Variants in TENM3 observed in about 807,000 individuals in gnomAD.
The protein encoded by TENM3 is teneurin-3.
In TENM3, 63 loss-of-function variants were observed where a neutral mutation model predicts 255.1. The observed-to-expected ratio is 0.25, with a 90% CI of 0.20 to 0.30. TENM3 has a LOEUF of 0.30. TENM3 is among the 10% of genes least tolerant of loss of function. TENM3 has a pLI of 1.00. For synonymous variants in TENM3, 1,306 were observed against 1,322.3 expected (o/e 0.99, Z 0.27); for missense variants, 2,929 against 3,461.1 (o/e 0.85, Z 3.86).
At chr4:182,249,888 G>A (rs897077813) in intron 1 of TENM3, among the ~76,000 whole-genome samples, 1 of 151,768 alleles carries the variant, frequency 6.6e-6, no homozygotes, top group Admixed American at 6.6e-5. Flanking sequence ...CCAGCCTCCC[G>A]AGTAGCTGAG....
chr4:182,594,685 T>A (rs796117282), intron 3 of TENM3, among the ~76,000 whole-genome samples: 13 of 4,610 alleles, frequency 2.8e-3, no homozygotes, highest in African/African-American at 6.9e-3. Flanking sequence ...TTTGTTTTGG[T>A]GTGTGTGTGT....
At chr4:181,767,166 G>A in the TENM3 span, among the ~76,000 whole-genome samples, 3 of 148,800 alleles carry the variant, frequency 2.0e-5, no homozygotes, top group Non-Finnish European at 4.5e-5. Flanking sequence ...GCAGGAGAAT[G>A]GCGTGAACCC....
intron 3 of TENM3, among the ~76,000 whole-genome samples, chr4:182,387,710 C>G (rs1768063865): frequency 6.6e-6 from 1 of 151,710 alleles, no homozygotes; most frequent in Non-Finnish European, 1.5e-5. Context: ...TAACACTCAC[C>G]GCGAAGGTCT....
At chr4:181,853,754 G>GA in the TENM3 span, among the ~76,000 whole-genome samples, 5,973 of 152,232 alleles carry the variant, frequency 0.039, 197 homozygotes, top group Non-Finnish European at 0.053. Context: ...TATACTGGGG[G>GA]AAAAAACGGT....
At chr4:182,068,057 A>G in the TENM3 span, among the ~76,000 whole-genome samples, 3 of 152,156 alleles carry the variant, frequency 2.0e-5, no homozygotes, top group African/African-American at 7.2e-5. Context: ...ACTGGCAGTG[A>G]TGTTAGCCCC....
the TENM3 span, among the ~76,000 whole-genome samples, chr4:182,119,406 C>T: frequency 6.6e-6 from 1 of 152,138 alleles, no homozygotes; most frequent in Admixed American, 6.5e-5. Flanking sequence ...TCAGACTTGG[C>T]CACACGGAGC....
chr4:181,450,390 T>C, the TENM3 span, among the ~76,000 whole-genome samples: 1 of 152,178 alleles, frequency 6.6e-6, no homozygotes, highest in East Asian at 1.9e-4. Flanking sequence ...ACTTTCAGTG[T>C]AGTTTTGCAG....
chr4:182,602,087 G>T (rs147605544), intron 4 of TENM3, among the ~76,000 whole-genome samples: 2 of 152,266 alleles, frequency 1.3e-5, no homozygotes, highest in African/African-American at 4.8e-5. Flanking sequence ...ATAAAATTTC[G>T]CCTTCTTTCT....
At chr4:182,101,366 G>GGGAA in the TENM3 span, among the ~76,000 whole-genome samples, 3 of 145,506 alleles carry the variant, frequency 2.1e-5, no homozygotes, top group African/African-American at 7.6e-5. Flanking sequence ...GAGGGAGGGA[G>GGGAA]GGAAGGAAGG....
chr4:182,778,005 A>T (rs1165331226), intron 24 of TENM3, among the ~76,000 whole-genome samples: 1 of 152,214 alleles, frequency 6.6e-6, no homozygotes, highest in East Asian at 1.9e-4. Flanking sequence ...CAAGCACAGG[A>T]AACTGTGATA....
chr4:181,653,775 C>G, the TENM3 span, among the ~76,000 whole-genome samples: 10 of 150,996 alleles, frequency 6.6e-5, no homozygotes, highest in Non-Finnish European at 4.4e-5. Context: ...ATACATGTGC[C>G]ATGGTGGTTT....
Position 182,476,187 on chromosome 4 carries a change from G to T in TENM3, c.512-124737G>T, listed in dbSNP as rs561462259. Among the ~76,000 whole-genome samples, 28 of 152,224 alleles carry T rather than the reference G, an allele frequency of 1.8e-4. No individual in the cohort carries two copies. The South Asian group carries it at 5.6e-3, about 30-fold the overall frequency. On this transcript the variant is annotated intron_variant, in intron 3 of 27. Coordinates refer to ENST00000511685, the MANE Select transcript of TENM3 (RefSeq NM_001080477.4). ...TGAAACTCCCCAGAGATTTTTAGTG[G>T]CTGTTTAAAATGAATGTCTGTATTT... is the stretch of plus-strand genomic sequence containing the variant.
chr4:182,532,120 C>G (rs534829692), intron 3 of TENM3, among the ~76,000 whole-genome samples: 108 of 152,302 alleles, frequency 7.1e-4, no homozygotes, highest in Middle Eastern at 3.4e-3. Context: ...CTAACATATT[C>G]TAAATCATTT....
intron 6 of TENM3, among the ~76,000 whole-genome samples, chr4:182,660,443 A>G (rs946323491): frequency 3.9e-5 from 6 of 152,214 alleles, no homozygotes; most frequent in African/African-American, 1.4e-4. Context: ...ATAGGGTAAT[A>G]TAAAGGTTTA....
chr4:181,797,352 C>A, the TENM3 span, among the ~76,000 whole-genome samples: 2 of 152,022 alleles, frequency 1.3e-5, no homozygotes, highest in Admixed American at 6.5e-5. Flanking sequence ...AGAGAAGGGG[C>A]CTTGGACTCC....
intron 1 of TENM3, among the ~76,000 whole-genome samples, chr4:182,175,586 C>T (rs564561926): frequency 1.2e-4 from 18 of 152,104 alleles, no homozygotes; most frequent in East Asian, 3.9e-4. Flanking sequence ...AAGGAGATAC[C>T]GACAGCACAG....
chr4:181,980,006 T>C, the TENM3 span: 1 of 152,184 alleles, frequency 6.6e-6, no homozygotes, highest in Admixed American at 6.5e-5. Flanking sequence ...CCCAGGCAGG[T>C]TGAAAGCCTC....
At chr4:182,708,745 C>T (rs1045054066) in intron 12 of TENM3, among the ~76,000 whole-genome samples, 2 of 146,912 alleles carry the variant, frequency 1.4e-5, no homozygotes, top group African/African-American at 5.1e-5. Flanking sequence ...TTGCAGTGAG[C>T]GGAGATCGCG....
At chr4:181,640,574 T>C in the TENM3 span, among the ~76,000 whole-genome samples, 1 of 152,202 alleles carries the variant, frequency 6.6e-6, no homozygotes, top group East Asian at 1.9e-4. Context: ...TACTTATGCA[T>C]GATTACCAGC....
Sources: gnomAD v4.1 joint callset for allele counts (sites outside exome capture counted in the v4.1 genomes callset) on GRCh38, gnomAD v4.1.1 for gene constraint, MANE v1.5 for transcripts, NCBI Gene and HGNC (gene_info 2026-07-23, HGNC 2026-07-21) for gene names.